HSD17B2: variants seen among roughly 807,000 people sequenced by gnomAD.
The protein encoded by HSD17B2 is hydroxysteroid 17-beta dehydrogenase 2.
In HSD17B2, 32 loss-of-function variants were observed where a neutral mutation model predicts 26.9. The observed-to-expected ratio is 1.19, with a 90% CI of 0.90 to 1.60. HSD17B2 has a LOEUF of 1.60. Among genes scored for constraint, HSD17B2 ranks in the 40% most tolerant of loss-of-function variants. HSD17B2 has a pLI of 0.00. For synonymous variants in HSD17B2, 246 were observed against 186.7 expected, an observed-to-expected ratio of 1.32 and a Z score of -2.59; for missense variants, 613 against 468.6, an observed-to-expected ratio of 1.31 and a Z score of -2.85.
chr16:82,060,604 C>A (rs1210470703), intron 1 of HSD17B2, among the ~76,000 whole-genome samples: 3 of 152,212 alleles, frequency 2.0e-5, no homozygotes, highest in African/African-American at 7.2e-5. Context: ...AAATGAAATG[C>A]CTATTCAGAT....
intron 3 of HSD17B2, among the ~76,000 whole-genome samples, chr16:82,086,774 C>T (rs999048905): frequency 6.6e-6 from 1 of 152,176 alleles, no homozygotes; most frequent in Non-Finnish European, 1.5e-5. Flanking sequence ...TATCACAAAT[C>T]GTGTGGCCTA....
intron 1 of HSD17B2, among the ~76,000 whole-genome samples, chr16:82,049,876 C>A (rs1006594043): frequency 3.9e-5 from 6 of 152,220 alleles, no homozygotes; most frequent in South Asian, 2.1e-4. Context: ...TGCATGCATA[C>A]AGAGAAGGTC....
intron 1 of HSD17B2, among the ~76,000 whole-genome samples, chr16:82,062,436 G>A (rs969410082): frequency 6.6e-6 from 1 of 152,204 alleles, no homozygotes; most frequent in African/African-American, 2.4e-5. Flanking sequence ...ATATTCTAGT[G>A]CCCTCTTCAA....
At chr16:82,038,449 A>G (rs185895495) in intron 1 of HSD17B2, among the ~76,000 whole-genome samples, 1 of 152,322 alleles carries the variant, frequency 6.6e-6, no homozygotes, top group East Asian at 1.9e-4. Flanking sequence ...TCCCGGGTTC[A>G]AGTGATTCTC....
At position 82,098,226 on chromosome 16, in the gene HSD17B2, C is replaced by G; in HGVS notation, c.954C>G (p.Phe318Leu). ...TCAACTCGTTAGCCAGCAAGGACTT[C>G]TCTCCGGTGCTGCGGGACATCCAGC... ...LLINSLASKD[F>L]SPVLRDIQHA... Residue 318 changes from phenylalanine (F) to leucine (L), a missense_variant, in exon 5 of 5, where the codon TTC (phenylalanine) becomes TTG (leucine). By Grantham distance (22) the Phe-to-Leu change is conservative. Coordinates refer to ENST00000199936, the MANE Select transcript of HSD17B2 (RefSeq NM_002153.3). 1 of 1,614,212 alleles carries G rather than the reference C, an allele frequency of 6.2e-7. No individual in the cohort carries two copies. Among genetic ancestry groups the G allele is most frequent in the Non-Finnish European group, 8.5e-7 (1 of 1,180,026 alleles).
chr16:82,039,248 T>TACAC (rs56169712), intron 1 of HSD17B2, among the ~76,000 whole-genome samples: 2,992 of 145,332 alleles, frequency 0.021, 44 homozygotes, highest in South Asian at 0.069. Flanking sequence ...TGGAAAATAA[T>TACAC]ACACACACAC....
intron 4 of HSD17B2, chr16:82,093,676 T>A (rs535410625): frequency 6.6e-6 from 1 of 152,198 alleles, no homozygotes; most frequent in Non-Finnish European, 1.5e-5. Flanking sequence ...TTGGATCTTG[T>A]GTGAGAAAGA....
intron 3 of HSD17B2, among the ~76,000 whole-genome samples, chr16:82,081,732 C>G (rs1904386046): frequency 6.6e-6 from 1 of 152,310 alleles, no homozygotes; most frequent in Non-Finnish European, 1.5e-5. Context: ...TTAATGGACA[C>G]TGCCCCGCAC....
rs372022341 is a variant in HSD17B2 at position 82,035,705 on chromosome 16, T to A, written c.265+16T>A. On this transcript the variant is annotated intron_variant, in intron 1 of 4. Transcript: ENST00000199936. The stretch of plus-strand genomic sequence containing the variant: ...CTGGTGACAGGTAAGCAGACGGTGC[T>A]ACAATTTTCACTGAGGGTATGATCT... 5.0e-6 allele frequency: 8 copies of A among 1,609,866 alleles called. No homozygotes were observed. The highest frequency in any genetic ancestry group is 6.8e-6 in the Non-Finnish European group (8 of 1,177,574).
intron 1 of HSD17B2, among the ~76,000 whole-genome samples, chr16:82,060,162 G>C (rs755658905): frequency 7.2e-5 from 11 of 152,194 alleles, no homozygotes; most frequent in Non-Finnish European, 1.6e-4. Flanking sequence ...GTCAACATGA[G>C]GGTGGCAATC....
intron 1 of HSD17B2, among the ~76,000 whole-genome samples, chr16:82,055,196 C>A (rs927420340): frequency 3.3e-5 from 5 of 152,204 alleles, no homozygotes; most frequent in Admixed American, 2.6e-4. Flanking sequence ...TTTGATTGTT[C>A]TGCTCTGGTT....
intron 3 of HSD17B2, chr16:82,071,364 G>C (rs1026601723): frequency 1.2e-5 from 7 of 571,322 alleles, no homozygotes; most frequent in Middle Eastern, 3.0e-4. Context: ...GGGGATTTAG[G>C]GTTCTTATAT....
At chr16:82,073,052 C>T (rs1055367271) in intron 3 of HSD17B2, among the ~76,000 whole-genome samples, 17 of 152,028 alleles carry the variant, frequency 1.1e-4, no homozygotes, top group East Asian at 5.8e-4. Context: ...GAGAGTGAGA[C>T]GCTCTCTCAA....
intron 3 of HSD17B2, among the ~76,000 whole-genome samples, chr16:82,082,421 T>C (rs1210177597): frequency 2.0e-5 from 3 of 152,214 alleles, no homozygotes; most frequent in African/African-American, 7.2e-5. Flanking sequence ...TGCATATGAA[T>C]ATAACCACAT....
intron 1 of HSD17B2, among the ~76,000 whole-genome samples, chr16:82,036,423 G>A (rs765035743): frequency 1.1e-4 from 16 of 151,024 alleles, no homozygotes; most frequent in Non-Finnish European, 2.2e-4. Flanking sequence ...TTTTTGCTTG[G>A]TTATGGAGTT....
chr16:82,084,085 T>G (rs1218078990), intron 3 of HSD17B2, among the ~76,000 whole-genome samples: 7 of 152,166 alleles, frequency 4.6e-5, no homozygotes, highest in Non-Finnish European at 1.5e-5. Flanking sequence ...TCAGAGATTT[T>G]GTGTCATTGT....
intron 1 of HSD17B2, among the ~76,000 whole-genome samples, chr16:82,053,713 C>T (rs955737534): frequency 6.6e-6 from 1 of 152,100 alleles, no homozygotes; most frequent in Non-Finnish European, 1.5e-5. Flanking sequence ...TAAAGATGTT[C>T]TATTAACTCT....
chr16:82,062,327 C>G (rs1486104211), intron 1 of HSD17B2, among the ~76,000 whole-genome samples: 1 of 152,198 alleles, frequency 6.6e-6, no homozygotes, highest in Non-Finnish European at 1.5e-5. Context: ...TAGTTTAACA[C>G]CAACCTCAGC....
intron 3 of HSD17B2, among the ~76,000 whole-genome samples, chr16:82,072,489 C>T (rs1283321059): frequency 6.6e-6 from 1 of 152,176 alleles, no homozygotes; most frequent in Non-Finnish European, 1.5e-5. Flanking sequence ...AGACTCTTTG[C>T]CTCACTTATA....
Sources: gnomAD v4.1 joint callset for allele counts (sites outside exome capture counted in the v4.1 genomes callset) on GRCh38, gnomAD v4.1.1 for gene constraint, MANE v1.5 for transcripts, NCBI Gene and HGNC (gene_info 2026-07-23, HGNC 2026-07-21) for gene names.